The following FHIT variants were observed in gnomAD, a reference collection of about 807,000 sequenced individuals.
FHIT encodes bis(5'-adenosyl)-triphosphatase.
FHIT carries 19 observed loss-of-function variants against 17.9 expected under a neutral mutation model. The observed-to-expected ratio is 1.06, with a 90% CI of 0.74 to 1.56. The LOEUF is 1.56. Ranked by LOEUF, FHIT falls within the 40% of genes most tolerant of loss-of-function variation. The pLI, the probability that FHIT is intolerant of heterozygous loss-of-function variation, is 0.00. For missense variants in FHIT, 248 were observed against 189.2 expected, an observed-to-expected ratio of 1.31 and a Z score of -1.82; for synonymous variants, 81 against 69.7, an observed-to-expected ratio of 1.16 and a Z score of -0.81.
At chr3:61,089,312 A>G (rs1414081680) in intron 2 of FHIT, among the ~76,000 whole-genome samples, 1 of 152,204 alleles carries the variant, frequency 6.6e-6, no homozygotes, top group Non-Finnish European at 1.5e-5. Context: ...ATGTTGTGGA[A>G]CAACTACCTG....
At chr3:60,682,211 T>C (rs1285948060) in intron 4 of FHIT, among the ~76,000 whole-genome samples, 7 of 152,178 alleles carry the variant, frequency 4.6e-5, no homozygotes, top group East Asian at 3.9e-4. Context: ...GACCTCATTA[T>C]TTGCCTGCCT....
intron 5 of FHIT, among the ~76,000 whole-genome samples, chr3:60,303,214 T>C (rs917652260): frequency 2.6e-5 from 4 of 152,134 alleles, no homozygotes; most frequent in Non-Finnish European, 5.9e-5. Flanking sequence ...AAACTATTTC[T>C]TTTCACCTCT....
At position 60,576,593 on chromosome 3, in the gene FHIT, C is replaced by T. The variant is rs1296534204; in HGVS notation, c.-17-39614G>A. Among the ~76,000 whole-genome samples the T allele has an allele frequency of 2.0e-5, 3 of 152,168 alleles. 1 individual carries two copies. Among genetic ancestry groups the T allele is most frequent in the African/African-American group, 2.4e-5 (1 of 41,526 alleles). ...TCTGTGGTGAAACACAATTCCATGACGTTAATCAATTTATTTCAATTGGGA... is the reference window on the plus strand; with the variant it reads ...TCTGTGGTGAAACACAATTCCATGATGTTAATCAATTTATTTCAATTGGGA... On this transcript the variant is annotated intron_variant, in intron 4 of 9. Coordinates refer to ENST00000492590, the MANE Select transcript of FHIT (RefSeq NM_002012.4).
At chr3:60,925,781 T>C (rs1481305400) in intron 3 of FHIT, among the ~76,000 whole-genome samples, 1 of 151,900 alleles carries the variant, frequency 6.6e-6, no homozygotes, top group Non-Finnish European at 1.5e-5. Flanking sequence ...GGATAAAGAG[T>C]CAAGACCCAT....
Position 60,517,489 on chromosome 3 carries a change from C to T in FHIT, c.103+19371G>A, listed in dbSNP as rs555874089. On this transcript the variant is annotated intron_variant, in intron 5 of 9. Transcript: ENST00000492590. ...CCCACCTCCCTAAAACTACAGGCGGCTGACCCACTGATATTACTATGAATT... is the reference window on the plus strand; with the variant it reads ...CCCACCTCCCTAAAACTACAGGCGGTTGACCCACTGATATTACTATGAATT... 3.9e-5 allele frequency among the ~76,000 whole-genome samples: 6 copies of T among 152,282 alleles called. No homozygotes were observed. In the East Asian group the frequency reaches 1.2e-3, roughly 29 times the overall value.
intron 3 of FHIT, among the ~76,000 whole-genome samples, chr3:60,939,230 C>T (rs1029478653): frequency 1.3e-5 from 2 of 152,286 alleles, no homozygotes; most frequent in African/African-American, 4.8e-5. Flanking sequence ...TTCTCTTGCA[C>T]GCACTTGTTT....
At chr3:60,000,275 A>G (rs1269994653) in intron 7 of FHIT, among the ~76,000 whole-genome samples, 3 of 152,198 alleles carry the variant, frequency 2.0e-5, no homozygotes, top group Admixed American at 2.0e-4. Context: ...GAGACAACTG[A>G]CTTAGACTGG....
chr3:60,943,495 ATT>A (rs1202646419), intron 3 of FHIT, among the ~76,000 whole-genome samples: 1 of 152,142 alleles, frequency 6.6e-6, no homozygotes, highest in African/African-American at 2.4e-5. Context: ...TTCCCATGCT[ATT>A]ATCCTTAATT....
chr3:59,776,462 AC>A (rs1286175489), intron 8 of FHIT, among the ~76,000 whole-genome samples: 1 of 152,214 alleles, frequency 6.6e-6, no homozygotes, highest in Non-Finnish European at 1.5e-5. Flanking sequence ...AGGACATTGC[AC>A]AGGCTATGTG....
chr3:60,165,995 T>G (rs1030163261), intron 5 of FHIT, among the ~76,000 whole-genome samples: 1 of 152,130 alleles, frequency 6.6e-6, no homozygotes, highest in Non-Finnish European at 1.5e-5. Context: ...TATCTACTGT[T>G]CCATAAAAAC....
At chr3:60,539,317 A>T (rs1426243637) in intron 4 of FHIT, among the ~76,000 whole-genome samples, 3 of 152,204 alleles carry the variant, frequency 2.0e-5, no homozygotes, top group Non-Finnish European at 4.4e-5. Flanking sequence ...GGATGTGGAG[A>T]AACAGGAACA....
intron 4 of FHIT, among the ~76,000 whole-genome samples, chr3:60,730,960 C>CAA (rs56078734): frequency 2.2e-5 from 3 of 135,798 alleles, no homozygotes; most frequent in African/African-American, 8.4e-5. Flanking sequence ...AATAAAAATA[C>CAA]AAAAAAAAAA....
rs148702379 is a variant in FHIT at position 60,618,966 on chromosome 3, C to G, written c.-17-81987G>C. Among the ~76,000 whole-genome samples, 88 of 151,906 alleles carry G rather than the reference C, an allele frequency of 5.8e-4. 1 individual carries two copies. Among genetic ancestry groups the G allele is most frequent in the Middle Eastern group, 6.8e-3 (2 of 294 alleles). On this transcript the variant is annotated intron_variant, in intron 4 of 9. Coordinates refer to ENST00000492590, the MANE Select transcript of FHIT (RefSeq NM_002012.4). ...CCCCTAAAGGCCCCAAAAAGGAATG[C>G]AGTACGGCTGGTACCTTTTCAGCCC...
At chr3:60,831,707 G>A (rs1159610190) in intron 3 of FHIT, among the ~76,000 whole-genome samples, 2 of 151,968 alleles carry the variant, frequency 1.3e-5, no homozygotes, top group Non-Finnish European at 2.9e-5. Flanking sequence ...CAACCTATGA[G>A]GGAGACACCA....
intron 3 of FHIT, among the ~76,000 whole-genome samples, chr3:60,990,983 A>G (rs996470259): frequency 1.3e-5 from 2 of 152,196 alleles, no homozygotes; most frequent in African/African-American, 4.8e-5. Context: ...AATGAGGGAA[A>G]ACAGACAATT....
intron 4 of FHIT, among the ~76,000 whole-genome samples, chr3:60,741,359 C>A (rs1194191947): frequency 6.6e-6 from 1 of 152,186 alleles, no homozygotes. Context: ...AGTTTGTAGA[C>A]AGGAACCCTA....
chr3:60,279,203 G>T (rs553197203), intron 5 of FHIT, among the ~76,000 whole-genome samples: 2 of 152,142 alleles, frequency 1.3e-5, no homozygotes, highest in South Asian at 2.1e-4. Context: ...TGAAAGAGGG[G>T]TCATCACTAC....
chr3:60,665,776 C>G lies in FHIT; in HGVS notation c.-17-128797G>C, dbSNP rs367769244. Among the ~76,000 whole-genome samples, 3 of 152,160 alleles carry G rather than the reference C, an allele frequency of 2.0e-5. No homozygotes were observed. The East Asian group carries it at 5.8e-4, about 29-fold the overall frequency. The stretch of plus-strand genomic sequence containing the variant: ...TTTAGATGATTTACCTTCAAGGTAA[C>G]TATTGATAAGTTAGCATTTCACTAT... On this transcript the variant is annotated intron_variant, in intron 4 of 9. Transcript: ENST00000492590.
intron 4 of FHIT, among the ~76,000 whole-genome samples, chr3:60,540,803 G>C (rs1030869193): frequency 2.6e-5 from 4 of 152,142 alleles, no homozygotes; most frequent in Non-Finnish European, 4.4e-5. Context: ...ACACATTTCA[G>C]GTACTAAAGA....
Sources: gnomAD v4.1 joint callset for allele counts (sites outside exome capture counted in the v4.1 genomes callset) on GRCh38, gnomAD v4.1.1 for gene constraint, MANE v1.5 for transcripts, NCBI Gene and HGNC (gene_info 2026-07-23, HGNC 2026-07-21) for gene names.